PRSS48: variants seen among roughly 807,000 people sequenced by gnomAD.
The protein encoded by PRSS48 is epidermis-specific serine protease-like protein.
PRSS48 carries 21 observed loss-of-function variants against 25.6 expected under a neutral mutation model. That is an observed-to-expected ratio of 0.82 (90% CI 0.58 to 1.18). PRSS48 has a LOEUF of 1.18. Ranked by LOEUF, PRSS48 falls within the 50% of genes most tolerant of loss-of-function variation. The pLI, the probability that PRSS48 is intolerant of heterozygous loss-of-function variation, is 0.00. For synonymous variants in PRSS48, 150 were observed against 149.3 expected (o/e 1.00, Z -0.04); for missense variants, 373 against 399.3 (o/e 0.93, Z 0.56).
intron 1 of PRSS48, among the ~76,000 whole-genome samples, chr4:151,278,309 C>T (rs938821062): frequency 1.3e-5 from 2 of 151,896 alleles, no homozygotes; most frequent in African/African-American, 2.4e-5. Flanking sequence ...CACTCTGTCA[C>T]CCAGGTTAGA....
At chr4:151,284,887 A>G (rs1774593404) in intron 4 of PRSS48, among the ~76,000 whole-genome samples, 1 of 152,142 alleles carries the variant, frequency 6.6e-6, no homozygotes, top group Admixed American at 6.5e-5. Context: ...TTCAGGGTGT[A>G]TTCAGAAATT....
chr4:151,283,494 G>A (rs1023639264), intron 4 of PRSS48, among the ~76,000 whole-genome samples: 2 of 147,556 alleles, frequency 1.4e-5, no homozygotes, highest in African/African-American at 5.0e-5. Context: ...CAATACTAAC[G>A]ACTGGTCATT....
intron 2 of PRSS48, among the ~76,000 whole-genome samples, chr4:151,281,093 G>A (rs1774177757): frequency 6.7e-6 from 1 of 150,032 alleles, no homozygotes; most frequent in African/African-American, 2.4e-5. Flanking sequence ...AGTCATAAAG[G>A]ATAAAGAAAG....
chr4:151,291,048 C>T (rs1775282307), intron 4 of PRSS48, 70 bp from the exon 5 acceptor site: 3 of 1,221,802 alleles, frequency 2.5e-6, no homozygotes, highest in Non-Finnish European at 3.4e-6. Flanking sequence ...AAGAATTCTC[C>T]ACCCCTTATT....
Position 151,283,340 on chromosome 4 carries a change from C to T in PRSS48, c.651+54C>T. On this transcript the variant is annotated intron_variant, in intron 4 of 4. Transcript: ENST00000455694. ...TTAAACATGAGATCTTAATTTGGAT[C>T]CAGGTTTTCCTATCTGTAAATAACA... 10 of 1,536,522 alleles carry T rather than the reference C, an allele frequency of 6.5e-6. No individual in the cohort carries two copies. In the South Asian group the frequency reaches 1.2e-4, roughly 18 times the overall value.
exon 1 of PRSS48, chr4:151,277,175 G>T: frequency 6.7e-7 from 1 of 1,483,240 alleles, no homozygotes. Context: ...ACAGAGACAT[G>T]GGCCCTGCTG....
intron 1 of PRSS48, among the ~76,000 whole-genome samples, chr4:151,278,684 G>C (rs6811059): frequency 6.6e-6 from 1 of 151,864 alleles, no homozygotes; most frequent in Non-Finnish European, 1.5e-5. Context: ...AGGCTGGAGT[G>C]CAGTGGCATG....
At chr4:151,289,400 T>G (rs1775115003) in intron 4 of PRSS48, among the ~76,000 whole-genome samples, 2 of 152,184 alleles carry the variant, frequency 1.3e-5, no homozygotes, top group South Asian at 4.1e-4. Context: ...AATTCAGAAC[T>G]TTTATGCTTC....
chr4:151,289,927 AAAAAACCGGT>A (rs1225472017), intron 4 of PRSS48, among the ~76,000 whole-genome samples: 1 of 152,154 alleles, frequency 6.6e-6, no homozygotes. Flanking sequence ...ATAAACAAAG[AAAAAACCGGT>A]ACACAAGTGT....
intron 4 of PRSS48, among the ~76,000 whole-genome samples, chr4:151,286,165 A>C (rs1383771738): frequency 7.4e-6 from 1 of 134,810 alleles, no homozygotes; most frequent in Non-Finnish European, 1.6e-5. Flanking sequence ...TGGGTGACAC[A>C]GTGAGACCCT....
intron 4 of PRSS48, among the ~76,000 whole-genome samples, chr4:151,289,616 T>C (rs1775134505): frequency 6.6e-6 from 1 of 152,190 alleles, no homozygotes; most frequent in South Asian, 2.1e-4. Flanking sequence ...GATATGCAAA[T>C]GTAGAGAAAT....
chr4:151,277,298 T>A, intron 1 of PRSS48, 74 bp downstream of exon 1: 2 of 1,209,556 alleles, frequency 1.7e-6, no homozygotes, highest in Non-Finnish European at 2.2e-6. Context: ...TAGAACAATG[T>A]GACACTTCAC....
chr4:151,278,037 TC>T (rs151054951), intron 1 of PRSS48, among the ~76,000 whole-genome samples: 4,211 of 151,428 alleles, frequency 0.028, 187 homozygotes, highest in African/African-American at 0.093. Flanking sequence ...TAAGACCCCG[TC>T]CCCCCAAAAA....
chr4:151,282,105 C>G, intron 2 of PRSS48, 43 bp from the exon 3 acceptor site: 1 of 1,604,300 alleles, frequency 6.2e-7, no homozygotes, highest in Non-Finnish European at 8.5e-7. Context: ...CTGTTCTGAC[C>G]CAGCTGCAGG....
At chr4:151,287,103 G>A (rs1245964838) in intron 4 of PRSS48, among the ~76,000 whole-genome samples, 6 of 151,728 alleles carry the variant, frequency 4.0e-5, no homozygotes, top group Admixed American at 2.6e-4. Flanking sequence ...CACTTTGGGA[G>A]GCCGAGGCAG....
At chr4:151,291,089 A>ATGCTCAT in intron 4 of PRSS48, 29 bp from the exon 5 acceptor site, 1 of 1,531,826 alleles carries the variant, frequency 6.5e-7, no homozygotes, top group Non-Finnish European at 8.9e-7. Context: ...TCTTTTCACT[A>ATGCTCAT]TGCTCATTAC....
intron 1 of PRSS48, chr4:151,279,024 G>A (rs1043234659): frequency 1.0e-5 from 3 of 293,230 alleles, no homozygotes; most frequent in South Asian, 7.7e-5. Flanking sequence ...ACCAGCTAGA[G>A]CTCACACTTG....
chr4:151,285,449 G>A (rs1561431492), intron 4 of PRSS48, among the ~76,000 whole-genome samples: 1 of 152,090 alleles, frequency 6.6e-6, no homozygotes, highest in East Asian at 1.9e-4. Flanking sequence ...AAATAAGAGA[G>A]AAATATGGAA....
intron 2 of PRSS48, among the ~76,000 whole-genome samples, chr4:151,280,824 G>T (rs1211214636): frequency 6.6e-6 from 1 of 151,722 alleles, no homozygotes; most frequent in African/African-American, 2.4e-5. Flanking sequence ...AAAACTCAAA[G>T]AAAATAGAGT....
Sources: allele counts gnomAD v4.1 joint callset (sites outside exome capture counted in the v4.1 genomes callset), GRCh38; gene constraint gnomAD v4.1.1; transcripts MANE v1.5; gene names NCBI Gene and HGNC (gene_info 2026-07-23, HGNC 2026-07-21).